Variants in ERC2 observed in about 807,000 individuals in gnomAD.
ERC2 encodes ERC protein 2.
Under a neutral mutation model 114.8 loss-of-function variants are expected in ERC2, and 42 were observed. The ratio of observed to expected loss-of-function variants is 0.37; its 90% CI spans 0.29 to 0.47. ERC2 has a LOEUF of 0.47. Ranked by LOEUF, ERC2 falls within the 20% of genes least tolerant of loss-of-function variation. The pLI, the probability that ERC2 is intolerant of heterozygous loss-of-function variation, is 0.99. For missense variants in ERC2, 939 were observed against 1,150.7 expected (o/e 0.82, Z 2.66); for synonymous variants, 454 against 425.5 (o/e 1.07, Z -0.82).
intron 13 of ERC2, among the ~76,000 whole-genome samples, chr3:55,890,408 A>G (rs796519131): frequency 1.2e-4 from 18 of 152,278 alleles, no homozygotes; most frequent in African/African-American, 4.1e-4. Flanking sequence ...CAAACATAAT[A>G]TTGATTTCAG....
chr3:55,978,634 G>A (rs192060435), intron 12 of ERC2, among the ~76,000 whole-genome samples: 102 of 152,302 alleles, frequency 6.7e-4, no homozygotes, highest in African/African-American at 2.2e-3. Context: ...TCCACGCTCA[G>A]TGTGCATCTC....
chr3:55,982,792 A>C (rs1053208973), intron 12 of ERC2, among the ~76,000 whole-genome samples: 1 of 152,230 alleles, frequency 6.6e-6, no homozygotes, highest in Non-Finnish European at 1.5e-5. Context: ...ATGCTCTGGC[A>C]AAGGTGTTTT....
At chr3:56,270,466 C>T (rs2053587010) in intron 3 of ERC2, among the ~76,000 whole-genome samples, 1 of 152,094 alleles carries the variant, frequency 6.6e-6, no homozygotes, top group Admixed American at 6.5e-5. Flanking sequence ...TAGGGTGGGG[C>T]CATGTGAGGG....
intron 15 of ERC2, among the ~76,000 whole-genome samples, chr3:55,723,466 G>C (rs969258396): frequency 2.0e-5 from 3 of 151,958 alleles, no homozygotes; most frequent in Non-Finnish European, 4.4e-5. Context: ...TTTTAATCTA[G>C]TGCATTATTA....
chr3:55,676,444 A>G (rs77816871), intron 17 of ERC2, among the ~76,000 whole-genome samples: 1 of 58,950 alleles, frequency 1.7e-5, no homozygotes, highest in Admixed American at 2.1e-4. Context: ...TGAGCTGCTT[A>G]TTATTATTAT....
intron 3 of ERC2, among the ~76,000 whole-genome samples, chr3:56,237,481 C>A (rs1042500346): frequency 1.3e-5 from 2 of 152,132 alleles, no homozygotes; most frequent in Non-Finnish European, 2.9e-5. Flanking sequence ...TTTTCCTGGG[C>A]AGGTTTTGGG....
intron 2 of ERC2, among the ~76,000 whole-genome samples, chr3:56,409,168 G>C (rs535266409): frequency 1.3e-5 from 2 of 152,298 alleles, no homozygotes; most frequent in African/African-American, 4.8e-5. Flanking sequence ...GCAACCTAGG[G>C]CTTCGCATTG....
chr3:56,014,527 C>T (rs1387145265), intron 8 of ERC2, among the ~76,000 whole-genome samples: 1 of 152,124 alleles, frequency 6.6e-6, no homozygotes. Flanking sequence ...ATGCAACTGT[C>T]AAGCAGTAAA....
intron 3 of ERC2, among the ~76,000 whole-genome samples, chr3:56,207,879 A>G (rs1263812810): frequency 6.6e-6 from 1 of 152,162 alleles, no homozygotes; most frequent in Admixed American, 6.6e-5. Context: ...AGAACTGCAC[A>G]CTTCAGGAGT....
chr3:56,417,376 C>A (rs1559473799), intron 2 of ERC2, among the ~76,000 whole-genome samples: 2 of 151,400 alleles, frequency 1.3e-5, no homozygotes, highest in South Asian at 2.1e-4. Flanking sequence ...TGAGTCTTTC[C>A]TTTTTTTTTA....
chr3:55,870,833 C>G (rs2062550226), intron 14 of ERC2, among the ~76,000 whole-genome samples: 1 of 152,236 alleles, frequency 6.6e-6, no homozygotes, highest in African/African-American at 2.4e-5. Flanking sequence ...CTCAACAGAA[C>G]TGTGATGGAC....
chr3:55,980,085 G>T (rs1339878152), intron 12 of ERC2, among the ~76,000 whole-genome samples: 1 of 123,308 alleles, frequency 8.1e-6, no homozygotes, highest in African/African-American at 3.2e-5. Context: ...AACCCACTAT[G>T]TTTGCACGAA....
chr3:56,246,152 G>A (rs868476221), intron 3 of ERC2, among the ~76,000 whole-genome samples: 3 of 150,920 alleles, frequency 2.0e-5, no homozygotes, highest in African/African-American at 4.9e-5. Context: ...AATATGCCAG[G>A]GTGATTTAAT....
intron 17 of ERC2, among the ~76,000 whole-genome samples, chr3:55,539,405 T>C (rs1029932594): frequency 5.0e-5 from 7 of 140,670 alleles, no homozygotes; most frequent in African/African-American, 1.0e-4. Context: ...CTCTCTCTCT[T>C]TTTTTCTTTC....
intron 14 of ERC2, among the ~76,000 whole-genome samples, chr3:55,762,598 A>G (rs1004121057): frequency 6.6e-6 from 1 of 152,202 alleles, no homozygotes; most frequent in Admixed American, 6.5e-5. Flanking sequence ...TGGGTCAAGC[A>G]AACCCTTGGC....
chr3:56,055,677 C>A (rs1264534345), intron 7 of ERC2, among the ~76,000 whole-genome samples: 3 of 152,214 alleles, frequency 2.0e-5, no homozygotes, highest in African/African-American at 7.2e-5. Context: ...TCCAAATCTG[C>A]CACTCTCCGG....
chr3:56,105,422 C>T (rs1416463696), intron 6 of ERC2, among the ~76,000 whole-genome samples: 1 of 152,126 alleles, frequency 6.6e-6, no homozygotes, highest in Non-Finnish European at 1.5e-5. Flanking sequence ...AAGCTATCCT[C>T]CCACCTTATC....
intron 3 of ERC2, among the ~76,000 whole-genome samples, chr3:56,266,027 CAAAAAAATAAAATAA>C (rs1477733129): frequency 2.0e-5 from 2 of 97,880 alleles, no homozygotes; most frequent in African/African-American, 8.4e-5. Context: ...AGAATCCGAC[CAAAAAAATAAAATAA>C]AATAAAATAA....
chr3:56,072,613 C>T (rs1214543815), intron 7 of ERC2, among the ~76,000 whole-genome samples: 1 of 151,916 alleles, frequency 6.6e-6, no homozygotes, highest in African/African-American at 2.4e-5. Flanking sequence ...AAAATTTTAC[C>T]CTATCCCAAA....
Sources: allele counts gnomAD v4.1 joint callset (sites outside exome capture counted in the v4.1 genomes callset), GRCh38; gene constraint gnomAD v4.1.1; transcripts MANE v1.5; gene names NCBI Gene and HGNC (gene_info 2026-07-23, HGNC 2026-07-21).